NOSIP: variants seen among roughly 807,000 people sequenced by gnomAD.
NOSIP encodes nitric oxide synthase-interacting protein.
A neutral mutation model predicts 36.4 loss-of-function variants in NOSIP; 25 were observed. That is an observed-to-expected ratio of 0.69 (90% confidence interval 0.50 to 0.96). The LOEUF is 0.96. NOSIP is among the 40% of genes least tolerant of loss of function. NOSIP has a pLI of 0.00. For missense variants in NOSIP, 370 were observed against 429.0 expected (o/e 0.86, Z 1.21); for synonymous variants, 187 against 179.2 (o/e 1.04, Z -0.35).
chr19:49,566,052 C>T (rs967487554), intron 1 of NOSIP, among the ~76,000 whole-genome samples: 4 of 151,138 alleles, frequency 2.6e-5, no homozygotes, highest in Non-Finnish European at 5.9e-5. Flanking sequence ...GACAGTCTCG[C>T]TCTGTCGTCC....
rs772613732 is a variant in NOSIP, at chr19:49,560,729, C to T, written c.-1-37G>A. The T allele has an allele frequency of 4.3e-5, 64 of 1,501,604 alleles. No homozygotes were observed. Among genetic ancestry groups the T allele is most frequent in the Admixed American group, 7.7e-5 (4 of 52,246 alleles). The allele number at this position is 1,501,604 out of a possible 1,614,324, so 93.0% of individuals were successfully genotyped here. A position where few individuals can be genotyped will look rare whatever the true frequency, so the allele number is the denominator to read the frequency against. ...GGGACAGTGGCAGGACTGTGGTTAC[C>T]GGAGGCAGGCAGCACAGGGAAGACC... On this transcript the variant is annotated intron_variant, in intron 1 of 8. Coordinates refer to ENST00000596358, the MANE Select transcript of NOSIP (RefSeq NM_001270960.2). This position sits in a 1 kb window ranked among gnomAD's most constrained non-coding sequence, Gnocchi z 4.6.
At position 49,556,888 on chromosome 19, in the gene NOSIP, T is replaced by C. The variant is rs957992254; in HGVS notation, c.524A>G (p.Lys175Arg). Reference sequence around the variant, plus strand: ...GTGGGGGCTCACCGGCTTCTCCAGCTTGGTGGCCTTGGCTTCGGGCGTCAG... The same window carrying C: ...GTGGGGGCTCACCGGCTTCTCCAGCCTGGTGGCCTTGGCTTCGGGCGTCAG... The part of the protein sequence containing the change: ...PSLTPEAKAT[K>R]LEKPSRTVTC... The change falls in exon 6 of 9, where the codon AAG becomes AGG. Residue 175 changes from lysine to arginine, a missense_variant. Coordinates refer to ENST00000596358, the MANE Select transcript of NOSIP (RefSeq NM_001270960.2). The C allele has an allele frequency of 6.2e-7, 1 of 1,613,132 alleles. No individual in the cohort carries two copies. Among genetic ancestry groups the C allele is most frequent in the Non-Finnish European group, 8.5e-7 (1 of 1,179,524 alleles).
At chr19:49,556,179 G>C in intron 8 of NOSIP, 138 bp downstream of exon 8, 2 of 443,246 alleles carry the variant, frequency 4.5e-6, no homozygotes, top group South Asian at 4.5e-5. Flanking sequence ...GCGGGGGGGG[G>C]GGGCGGCCTT....
intron 1 of NOSIP, among the ~76,000 whole-genome samples, chr19:49,577,135 A>C (rs1746080240): frequency 6.6e-6 from 1 of 152,232 alleles, no homozygotes; most frequent in Admixed American, 6.5e-5. Context: ...ATATGGAGAA[A>C]CTGGAACCCT....
intron 1 of NOSIP, among the ~76,000 whole-genome samples, chr19:49,569,771 G>C (rs972771865): frequency 6.6e-6 from 1 of 151,794 alleles, no homozygotes; most frequent in African/African-American, 2.4e-5. Context: ...TCGCGCCATC[G>C]CACTCCAGCC....
At chr19:49,573,290 T>C (rs2080509962) in intron 1 of NOSIP, among the ~76,000 whole-genome samples, 1 of 152,180 alleles carries the variant, frequency 6.6e-6, no homozygotes. Flanking sequence ...TGTCCTCCCC[T>C]GAAATCCTGT....
intron 1 of NOSIP, among the ~76,000 whole-genome samples, chr19:49,562,221 A>C (rs554194849): frequency 1.4e-4 from 22 of 152,266 alleles, no homozygotes; most frequent in African/African-American, 5.1e-4. Flanking sequence ...TCCCAAGTTA[A>C]AGCGATTCTC....
At chr19:49,569,459 A>G (rs1434290366) in intron 1 of NOSIP, among the ~76,000 whole-genome samples, 29 of 142,610 alleles carry the variant, frequency 2.0e-4, no homozygotes, top group East Asian at 1.1e-3. Flanking sequence ...CGGCCTTCCA[A>G]AGTGCTGGGA....
At chr19:49,563,514 A>G (rs2080362936) in intron 1 of NOSIP, among the ~76,000 whole-genome samples, 1 of 145,394 alleles carries the variant, frequency 6.9e-6, no homozygotes, top group African/African-American at 2.6e-5. Flanking sequence ...TTTTTTTGAG[A>G]TCGAGTTTTG....
chr19:49,568,147 G>T (rs1473414614), intron 1 of NOSIP, among the ~76,000 whole-genome samples: 1 of 152,140 alleles, frequency 6.6e-6, no homozygotes, highest in Non-Finnish European at 1.5e-5. Flanking sequence ...AAAAAGATAA[G>T]AACAGAATAC....
At chr19:49,569,360 AT>A (rs2080454946) in intron 1 of NOSIP, among the ~76,000 whole-genome samples, 1 of 147,396 alleles carries the variant, frequency 6.8e-6, no homozygotes, top group Non-Finnish European at 1.5e-5. Context: ...CACCCAGCTA[AT>A]TTTTTTTATT....
At chr19:49,575,544 G>A (rs2080541114) in intron 1 of NOSIP, among the ~76,000 whole-genome samples, 1 of 152,164 alleles carries the variant, frequency 6.6e-6, no homozygotes, top group African/African-American at 2.4e-5. Context: ...TCACCTGACA[G>A]CTGAATGGAA....
At chr19:49,569,013 C>T (rs2080449320) in intron 1 of NOSIP, among the ~76,000 whole-genome samples, 2 of 151,164 alleles carry the variant, frequency 1.3e-5, no homozygotes, top group Non-Finnish European at 1.5e-5. Flanking sequence ...ACGTTGGTCA[C>T]GATGGTCTCG....
rs749617125 is a variant in NOSIP, at chr19:49,557,002, G to A, written c.419-9C>T. 1.9e-6 allele frequency: 3 copies of A among 1,602,026 alleles called. No individual in the cohort carries two copies. The highest frequency in any genetic ancestry group is 2.6e-6 in the Non-Finnish European group (3 of 1,173,648). On this transcript the variant is annotated splice_polypyrimidine_tract_variant and intron_variant, in intron 5 of 8. Transcript: ENST00000596358. ...CCCAGGTTGGACATCATCTGTGGGGGAAGGAAGGGACTCAGATGCCGCCCC... is the reference window on the plus strand; with the variant it reads ...CCCAGGTTGGACATCATCTGTGGGGAAAGGAAGGGACTCAGATGCCGCCCC...
chr19:49,556,241 A>ACG, intron 8 of NOSIP, 76 bp downstream of exon 8: 1 of 510,348 alleles, frequency 2.0e-6, no homozygotes, highest in African/African-American at 4.4e-5. Context: ...AGGGGAGGGG[A>ACG]CGAAGCCTTG....
At chr19:49,567,755 T>G (rs1236888376) in intron 1 of NOSIP, among the ~76,000 whole-genome samples, 1 of 152,112 alleles carries the variant, frequency 6.6e-6, no homozygotes, top group East Asian at 1.9e-4. Flanking sequence ...CTGCAACCTC[T>G]CTGCCTCCTG....
In NOSIP at chr19:49,558,964, A is replaced by T. The variant is rs1377499726; in HGVS notation, c.191T>A (p.Leu64Gln). 2 of 1,613,854 alleles carry T rather than the reference A, an allele frequency of 1.2e-6. No individual in the cohort carries two copies. Among genetic ancestry groups the T allele is most frequent in the African/African-American group, 2.7e-5 (2 of 75,022 alleles). ...HDPVVTPDGYLYEREAILEYI... is the reference protein window; with the variant it reads ...HDPVVTPDGYQYEREAILEYI... ...CTCCAGGATGGCCTCACGCTCATAC[A>T]GGTAGCCATCTGGGCTGCAAAGACA... Residue 64 changes from leucine (L) to glutamine (Q), a missense_variant, in exon 4 of 9, where the codon CTG becomes CAG. This residue lies in a region of NOSIP where 315 missense variants were observed against 331.9 expected (regional missense o/e 0.95). Coordinates refer to ENST00000596358, the MANE Select transcript of NOSIP (RefSeq NM_001270960.2).
intron 1 of NOSIP, among the ~76,000 whole-genome samples, chr19:49,571,748 A>G (rs2080486531): frequency 6.6e-6 from 1 of 152,124 alleles, no homozygotes; most frequent in Non-Finnish European, 1.5e-5. Flanking sequence ...GCACTCTGGG[A>G]GGCTGAGACG....
Position 49,560,108 on chromosome 19 carries a change from CAG to C in NOSIP, c.71-71_71-70del. On this transcript the variant is annotated intron_variant, in intron 2 of 8. Coordinates refer to ENST00000596358, the MANE Select transcript of NOSIP (RefSeq NM_001270960.2). This position sits in a 1 kb window ranked among gnomAD's most constrained non-coding sequence, Gnocchi z 4.6. ...GGAGACATGTCCGTCTCCAAAGCCC[CAG>C]AGAGAGGCACAGAGACAACGCGGTG... 2 of 1,052,700 alleles carry C rather than the reference CAG, an allele frequency of 1.9e-6. No homozygotes were observed. Among genetic ancestry groups the C allele is most frequent in the Non-Finnish European group, 2.8e-6 (2 of 702,726 alleles). 65.2% of individuals were successfully genotyped at this position (1,052,700 alleles called of 1,614,324 possible). A position where few individuals can be genotyped will look rare whatever the true frequency, so the allele number is the denominator to read the frequency against.
Sources: allele counts gnomAD v4.1 joint callset (sites outside exome capture counted in the v4.1 genomes callset), GRCh38; gene constraint gnomAD v4.1.1; regional missense constraint gnomAD v4.1.1; non-coding constraint Gnocchi (gnomAD v3.1); transcripts MANE v1.5; gene names NCBI Gene and HGNC (gene_info 2026-07-23, HGNC 2026-07-21).